The following PTPN14 variants were observed in gnomAD, a reference collection of about 807,000 sequenced individuals.
The protein encoded by PTPN14 is protein tyrosine phosphatase non-receptor type 14.
A neutral mutation model predicts 126.8 loss-of-function variants in PTPN14; 53 were observed. The observed-to-expected ratio is 0.42, with a 90% CI of 0.34 to 0.53. PTPN14 has a LOEUF of 0.53. Among genes scored for constraint, PTPN14 ranks in the 20% least tolerant of loss-of-function variants. PTPN14 has a pLI of 0.08. For synonymous variants in PTPN14, 630 were observed against 599.3 expected, an observed-to-expected ratio of 1.05 and a Z score of -0.75; for missense variants, 1,257 against 1,552.9, an observed-to-expected ratio of 0.81 and a Z score of 3.20.
chr1:214,493,538 T>TA (rs971451454), intron 1 of PTPN14, among the ~76,000 whole-genome samples: 1 of 151,788 alleles, frequency 6.6e-6, no homozygotes, highest in Non-Finnish European at 1.5e-5. Flanking sequence ...AAATTAAAAA[T>TA]AAAAAAGTAT....
chr1:214,415,630 T>C (rs916837015), intron 3 of PTPN14, among the ~76,000 whole-genome samples: 5 of 152,166 alleles, frequency 3.3e-5, no homozygotes, highest in African/African-American at 1.2e-4. Flanking sequence ...AGCCCAACTT[T>C]CCTGGAGAGA....
chr1:214,358,746 CT>C (rs60944780), intron 18 of PTPN14, among the ~76,000 whole-genome samples: 38 of 145,390 alleles, frequency 2.6e-4, no homozygotes, highest in Admixed American at 6.1e-4. Flanking sequence ...CTCATTATTC[CT>C]TTTTTTTTTT....
At chr1:214,410,812 G>A (rs1558090628) in intron 5 of PTPN14, among the ~76,000 whole-genome samples, 1 of 151,954 alleles carries the variant, frequency 6.6e-6, no homozygotes, top group Admixed American at 6.6e-5. Context: ...ATTGGTCATT[G>A]TGCCTATTTT....
chr1:214,419,668 C>T (rs1342146960), intron 3 of PTPN14, among the ~76,000 whole-genome samples: 1 of 152,016 alleles, frequency 6.6e-6, no homozygotes, highest in African/African-American at 2.4e-5. Flanking sequence ...CAAATGGAAA[C>T]GTTTCTCTAC....
chr1:214,506,996 G>A (rs760610793), intron 1 of PTPN14, among the ~76,000 whole-genome samples: 34 of 151,080 alleles, frequency 2.3e-4, no homozygotes, highest in African/African-American at 4.6e-4. Flanking sequence ...ATGAAAATTC[G>A]ATAGCAATCA....
At chr1:214,358,148 T>G in intron 18 of PTPN14, 98 bp from the exon 19 acceptor site, 1 of 1,438,680 alleles carries the variant, frequency 7.0e-7, no homozygotes, top group Non-Finnish European at 9.4e-7. Context: ...CCACTGCCCA[T>G]GTCCAGGTAC....
chr1:214,366,245 C>T (rs563504256), intron 17 of PTPN14, among the ~76,000 whole-genome samples: 55 of 152,122 alleles, frequency 3.6e-4, no homozygotes, highest in African/African-American at 1.1e-3. Flanking sequence ...CTATTAGGTA[C>T]CAATACAAGC....
chr1:214,460,790 G>A (rs1660493660), intron 2 of PTPN14, among the ~76,000 whole-genome samples: 1 of 152,192 alleles, frequency 6.6e-6, no homozygotes, highest in Non-Finnish European at 1.5e-5. Context: ...TCTGGGAGCA[G>A]GGACCCTAGC....
chr1:214,384,061 C>G lies in PTPN14; in HGVS notation c.1794G>C (p.Val598=). 1 of 1,580,186 alleles carries G rather than the reference C, an allele frequency of 6.3e-7. No individual in the cohort carries two copies. The highest frequency in any genetic ancestry group is 8.6e-7 in the Non-Finnish European group (1 of 1,164,904). The part of the protein sequence containing the change: ...KYVSGSSPDL[V]TRKVQLSVKT... ...TCACCGAGAGCTGCACCTTCCGGGTCACCAGGTCCGGGCTGCTGCCGCTGA... is the reference window on the plus strand; with the variant it reads ...TCACCGAGAGCTGCACCTTCCGGGTGACCAGGTCCGGGCTGCTGCCGCTGA... Residue 598 remains valine, a synonymous_variant, in exon 13 of 19, where the codon GTG becomes GTC. Coordinates refer to ENST00000366956, the MANE Select transcript of PTPN14 (RefSeq NM_005401.5). The surrounding 1 kb of genome is among the most constrained non-coding windows in gnomAD (Gnocchi z 5.3).
At chr1:214,545,438 C>G (rs774323286) in intron 1 of PTPN14, among the ~76,000 whole-genome samples, 24 of 152,156 alleles carry the variant, frequency 1.6e-4, no homozygotes, top group Non-Finnish European at 2.8e-4. Flanking sequence ...GATAACAAAT[C>G]TGACATTAAT....
intron 3 of PTPN14, among the ~76,000 whole-genome samples, chr1:214,447,216 A>G (rs1257465916): frequency 1.3e-5 from 2 of 152,072 alleles, no homozygotes; most frequent in African/African-American, 2.4e-5. Context: ...CCCCACCACC[A>G]CTGCTTCCCC....
chr1:214,441,758 T>C (rs1660041060), intron 3 of PTPN14, among the ~76,000 whole-genome samples: 1 of 152,194 alleles, frequency 6.6e-6, no homozygotes, highest in African/African-American at 2.4e-5. Flanking sequence ...CTGTTGTTTT[T>C]CCCCCTTCTT....
chr1:214,373,561 ACACAC>A (rs1658269965), intron 15 of PTPN14, among the ~76,000 whole-genome samples: 3 of 818 alleles, frequency 3.7e-3, no homozygotes, highest in Non-Finnish European at 8.9e-3. Flanking sequence ...TCATTGAAAC[ACACAC>A]ACACACACAC....
chr1:214,418,323 TG>T (rs1659470917), intron 3 of PTPN14, among the ~76,000 whole-genome samples: 1 of 152,226 alleles, frequency 6.6e-6, no homozygotes, highest in Non-Finnish European at 1.5e-5. Flanking sequence ...CACAGAAGCT[TG>T]GGGGCCATAC....
At chr1:214,516,902 T>C (rs1417556955) in intron 1 of PTPN14, among the ~76,000 whole-genome samples, 1 of 152,078 alleles carries the variant, frequency 6.6e-6, no homozygotes, top group Non-Finnish European at 1.5e-5. Context: ...CCACCTACGC[T>C]ACGCACCAGG....
intron 1 of PTPN14, among the ~76,000 whole-genome samples, chr1:214,510,480 C>A (rs1340378535): frequency 1.3e-5 from 2 of 152,194 alleles, no homozygotes; most frequent in Admixed American, 6.5e-5. Context: ...AATGACATTG[C>A]AATGAAATAC....
At chr1:214,428,906 T>C (rs6677050) in intron 3 of PTPN14, among the ~76,000 whole-genome samples, 110,212 of 152,104 alleles carry the variant, frequency 0.72, 40,087 homozygotes, top group Admixed American at 0.78. Flanking sequence ...ACTAAAAAGA[T>C]TGGGGAGAAA....
At chr1:214,482,633 G>A (rs1204556356) in intron 1 of PTPN14, among the ~76,000 whole-genome samples, 1 of 151,426 alleles carries the variant, frequency 6.6e-6, no homozygotes, top group African/African-American at 2.4e-5. Context: ...CACTGAGCAA[G>A]AAAAGCAACG....
chr1:214,445,259 T>C (rs1660117717), intron 3 of PTPN14, among the ~76,000 whole-genome samples: 1 of 152,074 alleles, frequency 6.6e-6, no homozygotes, highest in Non-Finnish European at 1.5e-5. Flanking sequence ...TAGAGGGTAC[T>C]TGGAACAGGT....
Sources: allele counts gnomAD v4.1 joint callset (sites outside exome capture counted in the v4.1 genomes callset), GRCh38; gene constraint gnomAD v4.1.1; non-coding constraint Gnocchi (gnomAD v3.1); transcripts MANE v1.5; gene names NCBI Gene and HGNC (gene_info 2026-07-23, HGNC 2026-07-21).